The following NXF1 variants were observed in gnomAD, a reference collection of about 807,000 sequenced individuals.
NXF1 encodes the protein mRNA export factor TAP.
Under a neutral mutation model 92.4 loss-of-function variants are expected in NXF1, and 43 were observed. The observed-to-expected ratio is 0.47, with a 90% CI of 0.36 to 0.60. The LOEUF (loss-of-function observed/expected upper bound fraction) is 0.60. Among genes scored for constraint, NXF1 ranks in the 20% least tolerant of loss-of-function variants. The probability of loss-of-function intolerance (pLI) is 0.00; values close to 1 mark genes in which losing one functional copy is unlikely to be tolerated. For synonymous variants in NXF1, 288 were observed against 292.2 expected, an observed-to-expected ratio of 0.99 and a Z score of 0.15; for missense variants, 576 against 793.0, an observed-to-expected ratio of 0.73 and a Z score of 3.29.
chr11:62,800,880 C>A (rs1343544152), intron 9 of NXF1, among the ~76,000 whole-genome samples: 1 of 152,202 alleles, frequency 6.6e-6, no homozygotes, highest in Non-Finnish European at 1.5e-5. Flanking sequence ...AGCAATCCTC[C>A]CACCTCAGCC....
chr11:62,797,402 A>C lies in NXF1; in HGVS notation c.1054-16T>G. 1.2e-6 allele frequency: 2 copies of C among 1,611,286 alleles called. No homozygotes were observed. Among genetic ancestry groups the C allele is most frequent in the Non-Finnish European group, 1.7e-6 (2 of 1,179,312 alleles). ...CATGGCCATCCTGTGGAAAGGAAGT[A>C]AAAGTTGACAGTGTAGACTGGGCCC... On this transcript the variant is annotated splice_polypyrimidine_tract_variant and intron_variant, in intron 11 of 20. Coordinates refer to ENST00000294172, the MANE Select transcript of NXF1 (RefSeq NM_006362.5).
intron 1 of NXF1, among the ~76,000 whole-genome samples, chr11:62,804,875 C>A (rs2134784848): frequency 6.6e-6 from 1 of 152,288 alleles, no homozygotes; most frequent in South Asian, 2.1e-4. Flanking sequence ...AAAGAACTAA[C>A]ACCCAGTGTA....
chr11:62,803,687 G>C (rs1177322729), intron 2 of NXF1, 105 bp downstream of exon 2: 1 of 1,536,384 alleles, frequency 6.5e-7, no homozygotes, highest in Non-Finnish European at 8.9e-7. Context: ...AGCTAGTCCT[G>C]GCATTTCTCA....
In NXF1 at chr11:62,803,522, C is replaced by T. The variant is rs1189612058; in HGVS notation, c.266G>A (p.Arg89Gln). 5.0e-6 allele frequency: 8 copies of T among 1,613,906 alleles called. No homozygotes were observed. The highest frequency in any genetic ancestry group is 1.3e-5 in the African/African-American group (1 of 74,882). ...PNRRGDTWHD[R>Q]DRIHVTVRRD... ...CCGCACAGTAACATGAATGCGATCT[C>T]GATCATGCCAAGTATCACCCCGACG... The change falls in exon 3 of 21, where the codon CGA becomes CAA. Residue 89 changes from arginine to glutamine, a missense_variant. By Grantham distance (43) the Arg-to-Gln change is conservative. This residue lies in a region of NXF1 where 151 missense variants were observed against 157.8 expected (regional missense o/e 0.96). Coordinates refer to ENST00000294172, the MANE Select transcript of NXF1 (RefSeq NM_006362.5).
intron 2 of NXF1, 67 bp downstream of exon 2, chr11:62,803,725 T>C (rs2084504315): frequency 6.4e-7 from 1 of 1,563,512 alleles, no homozygotes; most frequent in Non-Finnish European, 8.7e-7. Flanking sequence ...GGAAATGACA[T>C]GGACAGTAAA....
chr11:62,797,030 T>C, intron 13 of NXF1, 153 bp downstream of exon 13: 1 of 671,788 alleles, frequency 1.5e-6, no homozygotes, highest in Non-Finnish European at 2.5e-6. Context: ...ATCACACCAT[T>C]GCACTCCAGC....
Position 62,805,346 on chromosome 11 carries a change from T to C in NXF1, c.11A>G (p.Glu4Gly), listed in dbSNP as rs1164136212. ...GCACTTACCGCTGTACGACTTCCCC[T>C]CGTCCGCCATGCCACAGCGAAGATC... MADEGKSYSEHDDE... is the reference protein window; with the variant it reads MADGGKSYSEHDDE... Residue 4 changes from glutamate (E) to glycine (G), a missense_variant, in exon 1 of 21, where the codon GAG becomes GGG. By Grantham distance (98) the Glu-to-Gly change is moderately conservative. Around this residue, in one of 2 missense-constraint regions of NXF1, gnomAD observed 151 missense variants for 157.8 expected, o/e 0.96. Coordinates refer to ENST00000294172, the MANE Select transcript of NXF1 (RefSeq NM_006362.5). The C allele has an allele frequency of 6.2e-7, 1 of 1,611,334 alleles. No homozygotes were observed. The highest frequency in any genetic ancestry group is 1.1e-5 in the South Asian group (1 of 90,342).
intron 13 of NXF1, 188 bp downstream of exon 13, chr11:62,796,995 G>T: frequency 1.7e-6 from 1 of 601,212 alleles, no homozygotes; most frequent in Non-Finnish European, 2.9e-6. Flanking sequence ...TGAACCCTGG[G>T]AGGCAGAGGT....
chr11:62,796,608 T>C (rs573995007), intron 13 of NXF1, 41 bp from the exon 14 acceptor site: 6 of 1,370,190 alleles, frequency 4.4e-6, no homozygotes, highest in Non-Finnish European at 2.1e-6. Flanking sequence ...CTCTGTGGTC[T>C]ACAGCCATAC....
At position 62,805,401 on chromosome 11, in the gene NXF1, C is replaced by A. The variant is rs2063501782; in HGVS notation, c.-45G>T. 1 of 1,608,980 alleles carries A rather than the reference C, an allele frequency of 6.2e-7. No homozygotes were observed. Among genetic ancestry groups the A allele is most frequent in the Non-Finnish European group, 8.5e-7 (1 of 1,177,940 alleles). On this transcript the variant is annotated 5_prime_UTR_variant, in exon 1 of 21. Transcript: ENST00000294172. The stretch of plus-strand genomic sequence containing the variant: ...GCGGGCTCAGGCGCTGGCCGCTACG[C>A]CGGCAAACAACCTAACTCCCAAGCG...
intron 1 of NXF1, chr11:62,805,114 C>T (rs2084521442): frequency 5.0e-6 from 2 of 400,098 alleles, no homozygotes; most frequent in South Asian, 8.9e-5. Flanking sequence ...CCCGAGCCAT[C>T]CGCTCCGAGC....
At chr11:62,797,591 A>C (rs2084434345) in intron 11 of NXF1, among the ~76,000 whole-genome samples, 1 of 152,146 alleles carries the variant, frequency 6.6e-6, no homozygotes, top group Admixed American at 6.5e-5. Flanking sequence ...CTGGAGTCCT[A>C]GCTACTTGGG....
At chr11:62,797,440 C>G in intron 11 of NXF1, 54 bp from the exon 12 acceptor site, 1 of 1,508,878 alleles carries the variant, frequency 6.6e-7, no homozygotes, top group Non-Finnish European at 9.1e-7. Flanking sequence ...TGGCTCACAC[C>G]TGTGATCCCA....
rs1366967640 is a variant in NXF1, at chr11:62,803,400, A to G, written c.369+19T>C. On this transcript the variant is annotated intron_variant, in intron 3 of 20. Coordinates refer to ENST00000294172, the MANE Select transcript of NXF1 (RefSeq NM_006362.5). Reference sequence around the variant, plus strand: ...GCCTCCTATCTCTACTGTACCATCTACTTTCTCAAAGTACTCACTGTAATC... The same window carrying G: ...GCCTCCTATCTCTACTGTACCATCTGCTTTCTCAAAGTACTCACTGTAATC... 1 of 1,610,822 alleles carries G rather than the reference A, an allele frequency of 6.2e-7. No homozygotes were observed. Among genetic ancestry groups the G allele is most frequent in the Admixed American group, 1.7e-5 (1 of 59,966 alleles).
rs1350627034 is a variant in NXF1 at position 62,800,419 on chromosome 11, T to A, written c.974A>T (p.Asn325Ile). 6.2e-7 allele frequency: 1 copy of A among 1,613,364 alleles called. No individual in the cohort carries two copies. Among genetic ancestry groups the A allele is most frequent in the Non-Finnish European group, 8.5e-7 (1 of 1,179,836 alleles). Residue 325 changes from asparagine (N) to isoleucine (I), a missense_variant, in exon 10 of 21, where the codon AAC becomes ATC. By Grantham distance (149) the Asn-to-Ile change is moderately radical. Around this residue, in one of 2 missense-constraint regions of NXF1, gnomAD observed 425 missense variants for 635.2 expected, o/e 0.67. Coordinates refer to ENST00000294172, the MANE Select transcript of NXF1 (RefSeq NM_006362.5). ...LKLEELWLDG[N>I]SLCDTFRDQS... ...GTCTCGGAAGGTGTCACACAGGGAG[T>A]TTCCATCGAGCCAGAGCTCTTCTAG...
chr11:62,798,746 C>A, intron 10 of NXF1, 171 bp from the exon 11 acceptor site: 1 of 1,421,292 alleles, frequency 7.0e-7, no homozygotes, highest in Non-Finnish European at 9.1e-7. Flanking sequence ...CCACCTGACC[C>A]GGGGCACCCA....
chr11:62,798,668 C>A, intron 10 of NXF1, 93 bp from the exon 11 acceptor site: 2 of 1,581,256 alleles, frequency 1.3e-6, no homozygotes, highest in East Asian at 2.3e-5. Flanking sequence ...CGAGGGACAG[C>A]CCATCCCATC....
rs148018473 is a variant in NXF1 at position 62,803,179 on chromosome 11, C to T, written c.369+240G>A. Among the ~76,000 whole-genome samples, 330 of 152,064 alleles carry T rather than the reference C, an allele frequency of 2.2e-3. 6 individuals are homozygous for T. The highest frequency in any genetic ancestry group is 0.02 in the East Asian group (101 of 5,174). Reference sequence around the variant, plus strand: ...ACTAAAAATACAAAAATTAGCCGGGCGTGGTGGTGGGTGTCTGTAGTCCCA... The same window carrying T: ...ACTAAAAATACAAAAATTAGCCGGGTGTGGTGGTGGGTGTCTGTAGTCCCA... On this transcript the variant is annotated intron_variant, in intron 3 of 20. Transcript: ENST00000294172.
intron 18 of NXF1, 57 bp from the exon 19 acceptor site, chr11:62,794,497 T>C: frequency 1.4e-6 from 2 of 1,445,354 alleles, no homozygotes; most frequent in Non-Finnish European, 1.9e-6. Context: ...CCTCCCAACA[T>C]CATTCCTATT....
Sources: allele counts gnomAD v4.1 joint callset (sites outside exome capture counted in the v4.1 genomes callset), GRCh38; gene constraint gnomAD v4.1.1; regional missense constraint gnomAD v4.1.1; transcripts MANE v1.5; gene names NCBI Gene and HGNC (gene_info 2026-07-23, HGNC 2026-07-21).